GLIS1: variants seen among roughly 807,000 people sequenced by gnomAD.
GLIS1 encodes GLIS family zinc finger 1, also known as zinc finger protein GLIS1.
In GLIS1, 24 loss-of-function variants were observed where a neutral mutation model predicts 63.8. That is an observed-to-expected ratio of 0.38 (90% confidence interval 0.27 to 0.53). The LOEUF (loss-of-function observed/expected upper bound fraction) is 0.53. GLIS1 is among the 20% of genes least tolerant of loss of function. GLIS1 has a pLI of 0.85. For missense variants in GLIS1, 1,036 were observed against 1,074.1 expected (o/e 0.96, Z 0.50); for synonymous variants, 450 against 482.5 (o/e 0.93, Z 0.88).
In GLIS1 at chr1:53,737,978, G is replaced by A; in HGVS notation, c.87C>T (p.Ser29=). The change falls in exon 2 of 11, where the codon AGC becomes AGT. Residue 29 remains serine, a synonymous_variant. Coordinates refer to ENST00000628545, the MANE Select transcript of GLIS1 (RefSeq NM_001367484.1). The stretch of plus-strand genomic sequence containing the variant: ...CCCTGAAGGCCATGTGCGCGCCGAG[G>A]CTGGCGGGGCCGCGGTCGGGGCCGG... ...GAPGPDRGPA[S]LGAHMAFRVT... 1 of 1,230,400 alleles carries A rather than the reference G, an allele frequency of 8.1e-7. No homozygotes were observed. The highest frequency in any genetic ancestry group is 1.0e-6 in the Non-Finnish European group (1 of 987,050). The allele number at this position is 1,230,400 out of a possible 1,614,324, so 76.2% of individuals were successfully genotyped here.
At chr1:53,548,368 G>A (rs543619967) in intron 4 of GLIS1, among the ~76,000 whole-genome samples, 5 of 152,282 alleles carry the variant, frequency 3.3e-5, no homozygotes, top group East Asian at 3.9e-4. Flanking sequence ...TGGTATTCCC[G>A]TGTCCACCAT....
chr1:53,675,763 G>C (rs539285228), intron 2 of GLIS1, among the ~76,000 whole-genome samples: 2 of 152,110 alleles, frequency 1.3e-5, no homozygotes, highest in Non-Finnish European at 2.9e-5. Flanking sequence ...AGCAAAGTCC[G>C]GACTCGAACA....
At chr1:53,608,807 T>C (rs1645397049) in intron 2 of GLIS1, among the ~76,000 whole-genome samples, 2 of 152,178 alleles carry the variant, frequency 1.3e-5, no homozygotes, top group African/African-American at 2.4e-5. Flanking sequence ...TCTCCAGATA[T>C]AGTGCCACAG....
chr1:53,548,612 G>T (rs1644728802), intron 4 of GLIS1, among the ~76,000 whole-genome samples: 1 of 152,228 alleles, frequency 6.6e-6, no homozygotes. Flanking sequence ...TTGCTGAGGT[G>T]CTCTGACAAG....
rs547511309 is a variant in GLIS1 at position 53,604,901 on chromosome 1, A to AT, written c.260-4624_260-4623insA. ...CAACTCTGCCCTTGTACCATTAAAA[A>AT]ATATATATATATGTGTGTGTGTGTG... is the stretch of plus-strand genomic sequence containing the variant. On this transcript the variant is annotated intron_variant, in intron 2 of 10. Coordinates refer to ENST00000628545, the MANE Select transcript of GLIS1 (RefSeq NM_001367484.1). 1.3e-3 allele frequency among the ~76,000 whole-genome samples: 198 copies of AT among 147,184 alleles called. 1 individual carries two copies. The highest frequency in any genetic ancestry group is 4.7e-3 in the African/African-American group (184 of 39,442).
At chr1:53,679,712 C>G (rs144708900) in intron 2 of GLIS1, among the ~76,000 whole-genome samples, 1 of 151,522 alleles carries the variant, frequency 6.6e-6, no homozygotes, top group East Asian at 1.9e-4. Flanking sequence ...TCTGAGCATG[C>G]TTCCTTGGGA....
intron 2 of GLIS1, among the ~76,000 whole-genome samples, chr1:53,603,989 G>A (rs955773992): frequency 6.6e-6 from 1 of 152,184 alleles, no homozygotes; most frequent in Non-Finnish European, 1.5e-5. Context: ...TTTTAAGCTA[G>A]GTAAGAATTT....
At chr1:53,701,684 G>A (rs1467759177) in intron 2 of GLIS1, among the ~76,000 whole-genome samples, 1 of 152,146 alleles carries the variant, frequency 6.6e-6, no homozygotes, top group Non-Finnish European at 1.5e-5. Flanking sequence ...TGCTGCAAAT[G>A]CACTTTGTTT....
chr1:53,518,752 A>G (rs1644377067), intron 7 of GLIS1, among the ~76,000 whole-genome samples: 1 of 152,178 alleles, frequency 6.6e-6, no homozygotes. Context: ...CCTACTGCAC[A>G]GCGTAGTTGG....
At chr1:53,570,562 T>C (rs1006415471) in intron 4 of GLIS1, among the ~76,000 whole-genome samples, 1 of 152,092 alleles carries the variant, frequency 6.6e-6, no homozygotes, top group Non-Finnish European at 1.5e-5. Flanking sequence ...AAACTTTTTA[T>C]GAAACTATGG....
At chr1:53,544,719 G>T (rs1250612309) in intron 4 of GLIS1, among the ~76,000 whole-genome samples, 1 of 152,210 alleles carries the variant, frequency 6.6e-6, no homozygotes, top group Non-Finnish European at 1.5e-5. Flanking sequence ...ATATCTATGT[G>T]TTTTTATATA....
At chr1:53,583,523 G>A (rs141203704) in intron 4 of GLIS1, among the ~76,000 whole-genome samples, 148 of 152,236 alleles carry the variant, frequency 9.7e-4, no homozygotes, top group African/African-American at 3.3e-3. Context: ...GAAACGTACC[G>A]CCCAGTACCA....
rs1412526747 is a variant in GLIS1, at chr1:53,639,507, T to C, written c.260-39229A>G. ...AGCAGATGCGCACAGGCTGTTTTGG[T>C]TGGAACCCTGGCCCTTTTCTGTGGT... On this transcript the variant is annotated intron_variant, in intron 2 of 10. Coordinates refer to ENST00000628545, the MANE Select transcript of GLIS1 (RefSeq NM_001367484.1). The surrounding 1 kb of genome is among the most constrained non-coding windows in gnomAD (Gnocchi z 4.6). Among the ~76,000 whole-genome samples the C allele has an allele frequency of 2.0e-5, 3 of 152,054 alleles. No individual in the cohort carries two copies. Among genetic ancestry groups the C allele is most frequent in the Non-Finnish European group, 4.4e-5 (3 of 68,008 alleles).
chr1:53,716,020 G>T (rs1367370446), intron 2 of GLIS1, among the ~76,000 whole-genome samples: 1 of 152,216 alleles, frequency 6.6e-6, no homozygotes, highest in African/African-American at 2.4e-5. Flanking sequence ...TGCAGGGGAG[G>T]TCACTGCTGA....
chr1:53,614,908 ACT>A (rs58859594), intron 2 of GLIS1, among the ~76,000 whole-genome samples: 4 of 149,672 alleles, frequency 2.7e-5, no homozygotes, highest in South Asian at 2.1e-4. Context: ...TCGTGCACAC[ACT>A]CACACACACT....
chr1:53,549,706 A>G (rs1557444555), intron 4 of GLIS1, among the ~76,000 whole-genome samples: 1 of 152,246 alleles, frequency 6.6e-6, no homozygotes, highest in Non-Finnish European at 1.5e-5. Flanking sequence ...AGCAAAGTCA[A>G]TTTTGAGCTG....
chr1:53,735,156 T>C (rs1354993374), intron 2 of GLIS1, among the ~76,000 whole-genome samples: 1 of 152,204 alleles, frequency 6.6e-6, no homozygotes, highest in Non-Finnish European at 1.5e-5. Flanking sequence ...CTCCGGTCAC[T>C]GGGCAGCTGT....
At chr1:53,618,315 T>C (rs1024303215) in intron 2 of GLIS1, among the ~76,000 whole-genome samples, 11 of 152,194 alleles carry the variant, frequency 7.2e-5, no homozygotes, top group Admixed American at 2.0e-4. Context: ...TGGATGCCAC[T>C]CAAGCCTCTG....
intron 4 of GLIS1, among the ~76,000 whole-genome samples, chr1:53,547,402 A>C (rs2316192): frequency 6.6e-6 from 1 of 152,078 alleles, no homozygotes; most frequent in African/African-American, 2.4e-5. Flanking sequence ...AAGACCAACA[A>C]TGCACCCTGG....
Sources: allele counts gnomAD v4.1 joint callset (sites outside exome capture counted in the v4.1 genomes callset), GRCh38; gene constraint gnomAD v4.1.1; non-coding constraint Gnocchi (gnomAD v3.1); transcripts MANE v1.5; gene names NCBI Gene and HGNC (gene_info 2026-07-23, HGNC 2026-07-21).